The following RBM20 variants were observed in gnomAD, a reference collection of about 807,000 sequenced individuals.
RBM20 encodes the protein RNA binding motif protein 20, also known as RNA-binding protein 20.
RBM20 carries 51 observed loss-of-function variants against 110.1 expected under a neutral mutation model. That is an observed-to-expected ratio of 0.46 (90% CI 0.37 to 0.59). The LOEUF is 0.59. Ranked by LOEUF, RBM20 falls within the 20% of genes least tolerant of loss-of-function variation. The pLI is 0.00. For synonymous variants in RBM20, 589 were observed against 618.2 expected, an observed-to-expected ratio of 0.95 and a Z score of 0.70; for missense variants, 1,512 against 1,574.9, an observed-to-expected ratio of 0.96 and a Z score of 0.68.
intron 1 of RBM20, among the ~76,000 whole-genome samples, chr10:110,658,876 C>T (rs1371802190): frequency 2.0e-5 from 3 of 152,056 alleles, no homozygotes; most frequent in Admixed American, 2.0e-4. Flanking sequence ...GAGCTTTCCC[C>T]AACCCTAAGC....
In RBM20 at chr10:110,763,809, G is replaced by A. The variant is rs144115469; in HGVS notation, c.192-16992G>A. 2.9e-3 allele frequency among the ~76,000 whole-genome samples: 422 copies of A among 145,352 alleles called. 2 individuals carry two copies. Among genetic ancestry groups the A allele is most frequent in the African/African-American group, 0.01 (397 of 38,992 alleles). ...ACTTTCTGCAAGACTGGTTGAAGGCGTTAGCCTGAGAGCACAGTTTCTCAA... is the reference window on the plus strand; with the variant it reads ...ACTTTCTGCAAGACTGGTTGAAGGCATTAGCCTGAGAGCACAGTTTCTCAA... On this transcript the variant is annotated intron_variant, in intron 1 of 13. Coordinates refer to ENST00000369519, the MANE Select transcript of RBM20 (RefSeq NM_001134363.3).
chr10:110,766,972 T>G (rs1465330972), intron 1 of RBM20, among the ~76,000 whole-genome samples: 1 of 132,888 alleles, frequency 7.5e-6, no homozygotes, highest in Admixed American at 7.3e-5. Context: ...CCCACCTCCC[T>G]CCCGGACGGG....
intron 1 of RBM20, among the ~76,000 whole-genome samples, chr10:110,751,983 T>C (rs1224914968): frequency 6.6e-6 from 1 of 152,062 alleles, no homozygotes; most frequent in Non-Finnish European, 1.5e-5. Context: ...GCCTCCCCTA[T>C]GGCCAACATC....
chr10:110,704,813 G>C (rs999635526), intron 1 of RBM20, among the ~76,000 whole-genome samples: 1 of 152,174 alleles, frequency 6.6e-6, no homozygotes, highest in African/African-American at 2.4e-5. Flanking sequence ...AGGACAGAGT[G>C]GAGGTTTGGA....
intron 1 of RBM20, among the ~76,000 whole-genome samples, chr10:110,706,971 G>A (rs747161119): frequency 1.3e-4 from 20 of 152,146 alleles, no homozygotes; most frequent in Non-Finnish European, 1.9e-4. Context: ...CATGTTGAAC[G>A]TGGAAAAACG....
chr10:110,743,760 T>C (rs1843747212), intron 1 of RBM20, among the ~76,000 whole-genome samples: 1 of 152,096 alleles, frequency 6.6e-6, no homozygotes, highest in Non-Finnish European at 1.5e-5. Context: ...GGACCACAGA[T>C]GCGCACCATC....
At chr10:110,681,774 C>T (rs1862425417) in intron 1 of RBM20, among the ~76,000 whole-genome samples, 1 of 152,222 alleles carries the variant, frequency 6.6e-6, no homozygotes, top group Non-Finnish European at 1.5e-5. Flanking sequence ...ACATTTATCA[C>T]AACCAAGAAA....
intron 1 of RBM20, among the ~76,000 whole-genome samples, chr10:110,725,343 G>A (rs968520587): frequency 1.3e-5 from 2 of 152,128 alleles, no homozygotes; most frequent in Admixed American, 6.5e-5. Flanking sequence ...CCCATCCATG[G>A]ACCCTTGTGG....
intron 13 of RBM20, among the ~76,000 whole-genome samples, chr10:110,832,446 ATATT>A (rs1845069377): frequency 6.6e-6 from 1 of 152,216 alleles, no homozygotes; most frequent in South Asian, 2.1e-4. Context: ...ACTAAGTTAT[ATATT>A]TAGTAGAATT....
chr10:110,836,091 C>A lies in RBM20; in HGVS notation c.*113C>A. On this transcript the variant is annotated 3_prime_UTR_variant, in exon 14 of 14. Transcript: ENST00000369519. ...ACTAAAGCCTGAGAGGAAGGAAAAC[C>A]AAGCAGGGCACATTGCTTGGGCTTG... The A allele has an allele frequency of 3.5e-6, 2 of 571,580 alleles. No individual in the cohort carries two copies. Among genetic ancestry groups the A allele is most frequent in the East Asian group, 5.9e-5 (2 of 33,658 alleles). 35.4% of individuals were successfully genotyped at this position (571,580 alleles called of 1,614,324 possible).
intron 1 of RBM20, among the ~76,000 whole-genome samples, chr10:110,760,258 C>T (rs1334428081): frequency 6.6e-6 from 1 of 152,098 alleles, no homozygotes; most frequent in Admixed American, 6.5e-5. Flanking sequence ...AAGATCCCTC[C>T]CATGCACATG....
intron 1 of RBM20, among the ~76,000 whole-genome samples, chr10:110,751,272 G>T (rs995238626): frequency 2.0e-5 from 3 of 152,196 alleles, no homozygotes; most frequent in African/African-American, 7.2e-5. Context: ...CCTTCTCTAA[G>T]GGCCCCTCTT....
intron 1 of RBM20, among the ~76,000 whole-genome samples, chr10:110,709,931 C>G (rs1055771963): frequency 2.0e-5 from 3 of 152,068 alleles, no homozygotes; most frequent in African/African-American, 7.2e-5. Flanking sequence ...TAGAGATGAA[C>G]AGAATGTTTG....
chr10:110,825,564 C>G (rs1442930425), intron 12 of RBM20, among the ~76,000 whole-genome samples: 2 of 152,356 alleles, frequency 1.3e-5, no homozygotes, highest in African/African-American at 4.8e-5. Flanking sequence ...TCACACTACA[C>G]ACATAATGTT....
At chr10:110,701,112 C>T (rs1210078865) in intron 1 of RBM20, among the ~76,000 whole-genome samples, 1 of 152,148 alleles carries the variant, frequency 6.6e-6, no homozygotes, top group Non-Finnish European at 1.5e-5. Context: ...AAGGAAATGT[C>T]ATTTAAATGT....
rs1184434278 is a variant in RBM20, at chr10:110,839,248, GTTAGATAATTAGA to G, written c.*3274_*3286del. 6.6e-6 allele frequency: 1 copy of G among 152,150 alleles called. No individual in the cohort carries two copies. The highest frequency in any genetic ancestry group is 1.5e-5 in the Non-Finnish European group (1 of 68,026). The allele number at this position is 152,150 out of a possible 1,614,324, so 9.4% of individuals were successfully genotyped here. A position where few individuals can be genotyped will look rare whatever the true frequency, so the allele number is the denominator to read the frequency against. On this transcript the variant is annotated 3_prime_UTR_variant, in exon 14 of 14. Coordinates refer to ENST00000369519, the MANE Select transcript of RBM20 (RefSeq NM_001134363.3). The stretch of plus-strand genomic sequence containing the variant: ...CTTGGACAGTCCGAGGCTGTGACCT[GTTAGATAATTAGA>G]TTATACTTGAACTGGACCAGAGTTT...
At chr10:110,747,699 A>G (rs1044967301) in intron 1 of RBM20, among the ~76,000 whole-genome samples, 1 of 152,358 alleles carries the variant, frequency 6.6e-6, no homozygotes, top group Admixed American at 6.5e-5. Flanking sequence ...GCTAGAAGGT[A>G]GATTAAATGA....
intron 1 of RBM20, among the ~76,000 whole-genome samples, chr10:110,737,179 A>AAAAAAAAAAAAAAAAAAAAAAC (rs1393000517): frequency 1.5e-5 from 2 of 132,130 alleles, no homozygotes; most frequent in African/African-American, 5.7e-5. Flanking sequence ...CTCTGCCTCA[A>AAAAAAAAAAAAAAAAAAAAAAC]AAAAAAAAAA....
intron 1 of RBM20, among the ~76,000 whole-genome samples, chr10:110,708,875 G>T (rs1862880480): frequency 6.6e-6 from 1 of 152,190 alleles, no homozygotes; most frequent in Non-Finnish European, 1.5e-5. Flanking sequence ...TGGAATGATT[G>T]AGAGTGTGGC....
Sources: allele counts gnomAD v4.1 joint callset (sites outside exome capture counted in the v4.1 genomes callset), GRCh38; gene constraint gnomAD v4.1.1; transcripts MANE v1.5; gene names NCBI Gene and HGNC (gene_info 2026-07-23, HGNC 2026-07-21).